DIAPH3: variants seen among roughly 807,000 people sequenced by gnomAD.
DIAPH3 encodes protein diaphanous homolog 3.
In DIAPH3, 117 loss-of-function variants were observed where a neutral mutation model predicts 144.3. The observed-to-expected ratio is 0.81, with a 90% CI of 0.70 to 0.95. The LOEUF is 0.95. Ranked by LOEUF, DIAPH3 falls within the 40% of genes least tolerant of loss-of-function variation. The pLI is 0.00. For missense variants in DIAPH3, 1,421 were observed against 1,412.7 expected, an observed-to-expected ratio of 1.01 and a Z score of -0.09; for synonymous variants, 519 against 488.9, an observed-to-expected ratio of 1.06 and a Z score of -0.81.
At chr13:60,084,898 T>C (rs1312841357) in intron 4 of DIAPH3, among the ~76,000 whole-genome samples, 4 of 152,130 alleles carry the variant, frequency 2.6e-5, no homozygotes, top group African/African-American at 9.7e-5. Context: ...AGGAAACCAT[T>C]AAATTGGGAA....
chr13:59,961,717 C>G (rs1284374979), intron 17 of DIAPH3, among the ~76,000 whole-genome samples: 1 of 152,174 alleles, frequency 6.6e-6, no homozygotes, highest in Non-Finnish European at 1.5e-5. Context: ...AGACTCGGAT[C>G]TGTATTCCAT....
chr13:60,004,165 T>C (rs1208640174), intron 9 of DIAPH3, among the ~76,000 whole-genome samples: 1 of 152,212 alleles, frequency 6.6e-6, no homozygotes, highest in Non-Finnish European at 1.5e-5. Flanking sequence ...TGGTTCCTAT[T>C]TTATTCACCA....
intron 4 of DIAPH3, among the ~76,000 whole-genome samples, chr13:60,064,532 T>C (rs1306938193): frequency 6.6e-6 from 1 of 152,214 alleles, no homozygotes. Flanking sequence ...CTTCTGCAGC[T>C]TCCTCACCTC....
At chr13:59,723,963 A>T (rs1350898772) in intron 27 of DIAPH3, among the ~76,000 whole-genome samples, 1 of 79,174 alleles carries the variant, frequency 1.3e-5, no homozygotes, top group African/African-American at 3.2e-5. Context: ...AAAAGTTAAA[A>T]AAAAAAAAAA....
intron 21 of DIAPH3, among the ~76,000 whole-genome samples, chr13:59,863,292 A>C (rs2043712787): frequency 6.6e-6 from 1 of 152,130 alleles, no homozygotes; most frequent in Non-Finnish European, 1.5e-5. Context: ...TTAAAAAAAA[A>C]ATCAGTCTTT....
rs1370678717 is a variant in DIAPH3, at chr13:59,879,239, G to C, written c.2597C>G (p.Ser866Cys). The change falls in exon 21 of 28, where the codon TCT becomes TGT. Residue 866 changes from serine to cysteine, a missense_variant. Coordinates refer to ENST00000400324, the MANE Select transcript of DIAPH3 (RefSeq NM_001042517.2). ...NAQTFGFNLS[S>C]LCKLKDTKSA... Reference sequence around the variant, plus strand: ...AAAAAACAAACTCACTTTACAGAGAGAGCTAAGGTTAAATCCGAAGGTTTG... The same window carrying C: ...AAAAAACAAACTCACTTTACAGAGACAGCTAAGGTTAAATCCGAAGGTTTG... The C allele has an allele frequency of 1.9e-6, 3 of 1,613,736 alleles. No individual in the cohort carries two copies. Among genetic ancestry groups the C allele is most frequent in the Non-Finnish European group, 2.5e-6 (3 of 1,179,732 alleles).
intron 1 of DIAPH3, among the ~76,000 whole-genome samples, chr13:60,153,716 G>A (rs1035251140): frequency 1.3e-5 from 2 of 152,086 alleles, no homozygotes; most frequent in African/African-American, 4.8e-5. Context: ...GTTTTGGATT[G>A]TAGATGTAAA....
At chr13:60,073,237 A>C (rs2057274022) in intron 4 of DIAPH3, among the ~76,000 whole-genome samples, 1 of 151,946 alleles carries the variant, frequency 6.6e-6, no homozygotes, top group Admixed American at 6.6e-5. Flanking sequence ...TGAACCCAGC[A>C]GGTGGAGGTT....
At chr13:60,021,941 TTCA>T (rs1436211774) in intron 5 of DIAPH3, among the ~76,000 whole-genome samples, 1 of 152,176 alleles carries the variant, frequency 6.6e-6, no homozygotes, top group Non-Finnish European at 1.5e-5. Flanking sequence ...TTTAACTCCT[TTCA>T]TCGTTATTTT....
intron 19 of DIAPH3, among the ~76,000 whole-genome samples, chr13:59,913,497 C>G (rs983901066): frequency 2.0e-5 from 3 of 152,180 alleles, no homozygotes; most frequent in African/African-American, 4.8e-5. Context: ...TCAACATTTA[C>G]ATACCCTTGC....
intron 24 of DIAPH3, among the ~76,000 whole-genome samples, chr13:59,818,611 C>T (rs1449965056): frequency 6.6e-6 from 1 of 151,750 alleles, no homozygotes; most frequent in Non-Finnish European, 1.5e-5. Context: ...AATTCTAAGC[C>T]ACCATTTTGA....
At chr13:59,991,929 A>G in intron 11 of DIAPH3, 139 bp downstream of exon 11, 1 of 711,990 alleles carries the variant, frequency 1.4e-6, no homozygotes, top group South Asian at 1.7e-5. Context: ...AATTAATAAA[A>G]TAATAACATT....
At chr13:59,743,674 CT>C (rs1435323534) in intron 27 of DIAPH3, among the ~76,000 whole-genome samples, 4 of 152,116 alleles carry the variant, frequency 2.6e-5, no homozygotes, top group African/African-American at 9.7e-5. Context: ...TCTTCTAGCC[CT>C]TTTGATTCTA....
intron 5 of DIAPH3, among the ~76,000 whole-genome samples, chr13:60,021,621 T>C (rs2054028281): frequency 6.7e-6 from 1 of 148,910 alleles, no homozygotes; most frequent in South Asian, 2.1e-4. Flanking sequence ...TGCAAGATGG[T>C]TGCCCACTGC....
chr13:59,900,568 A>G (rs1294427984), intron 20 of DIAPH3, among the ~76,000 whole-genome samples: 2 of 152,222 alleles, frequency 1.3e-5, no homozygotes, highest in African/African-American at 2.4e-5. Flanking sequence ...GCAAAAACAA[A>G]CAAAACCTTG....
At chr13:59,746,369 G>A (rs1022528373) in intron 27 of DIAPH3, among the ~76,000 whole-genome samples, 4 of 150,940 alleles carry the variant, frequency 2.7e-5, no homozygotes, top group Non-Finnish European at 5.9e-5. Context: ...GATTACAGCT[G>A]TGCGCCACCA....
chr13:60,081,950 A>C (rs1385162543), intron 4 of DIAPH3, among the ~76,000 whole-genome samples: 1 of 151,980 alleles, frequency 6.6e-6, no homozygotes, highest in East Asian at 1.9e-4. Context: ...ATTGAAGAGA[A>C]AGTGCTGAAA....
At chr13:59,998,816 G>A (rs2052361344) in intron 9 of DIAPH3, among the ~76,000 whole-genome samples, 1 of 152,016 alleles carries the variant, frequency 6.6e-6, no homozygotes, top group African/African-American at 2.4e-5. Context: ...GTAGTCAGAA[G>A]AGAAAGGAAT....
chr13:60,035,883 T>C (rs1036132051), intron 5 of DIAPH3, among the ~76,000 whole-genome samples: 2 of 152,222 alleles, frequency 1.3e-5, no homozygotes, highest in Admixed American at 6.5e-5. Flanking sequence ...ATATTTTTAA[T>C]TTACCAGAGA....
Sources: gnomAD v4.1 joint callset for allele counts (sites outside exome capture counted in the v4.1 genomes callset) on GRCh38, gnomAD v4.1.1 for gene constraint, MANE v1.5 for transcripts, NCBI Gene and HGNC (gene_info 2026-07-23, HGNC 2026-07-21) for gene names.